MAGEC3: variants seen among roughly 807,000 people sequenced by gnomAD.
MAGEC3 encodes melanoma-associated antigen C3.
In MAGEC3, 34 loss-of-function variants were observed where a neutral mutation model predicts 35.3. The observed-to-expected ratio is 0.96, with a 90% confidence interval of 0.73 to 1.28. The LOEUF (loss-of-function observed/expected upper bound fraction) is 1.28. Among genes scored for constraint, MAGEC3 ranks in the 50% most tolerant of loss-of-function variants. MAGEC3 has a pLI of 0.00. For missense variants in MAGEC3, 561 were observed against 483.6 expected (o/e 1.16, Z -1.50); for synonymous variants, 202 against 185.6 (o/e 1.09, Z -0.72).
At chrX:141,876,125 G>T (rs761614821) in intron 2 of MAGEC3, among the ~76,000 whole-genome samples, 2 of 112,280 alleles carry the variant, frequency 1.8e-5, no homozygotes, top group African/African-American at 6.5e-5. Context: ...TCTATGTGGA[G>T]AGGAAAATAA....
In MAGEC3 at chrX:141,878,532, T is replaced by A. The variant is rs180733741; in HGVS notation, c.259-643T>A. On this transcript the variant is annotated intron_variant, in intron 2 of 7. Transcript: ENST00000298296. ...GTCAGCCCTGGGAGGCCCTGGGGCA[T>A]GGTGGCCCACTGTGGTGTCCCCCTG... Among the ~76,000 whole-genome samples the A allele has an allele frequency of 3.3e-3, 366 of 110,535 alleles. 1 individual carries two copies. The highest frequency in any genetic ancestry group is 0.012 in the African/African-American group (352 of 30,374).
chrX:141,845,370 A>G (rs192867786), intron 1 of MAGEC3, among the ~76,000 whole-genome samples: 4 of 111,499 alleles, frequency 3.6e-5, no homozygotes, highest in Non-Finnish European at 7.6e-5. Context: ...AAAACTTTTC[A>G]TAAGGCTTTG....
chrX:141,872,153 C>T (rs1276829645), intron 2 of MAGEC3, among the ~76,000 whole-genome samples: 1 of 111,159 alleles, frequency 9.0e-6, no homozygotes, highest in South Asian at 3.8e-4. Flanking sequence ...ATTTGCCATT[C>T]CTCGTTATGA....
chrX:141,851,806 A>ATAT (rs1434585590), intron 1 of MAGEC3, among the ~76,000 whole-genome samples: 2 of 111,500 alleles, frequency 1.8e-5, no homozygotes, highest in African/African-American at 6.5e-5. Context: ...GTATGTCTAT[A>ATAT]CTTGTGTCAG....
chrX:141,839,480 A>T (rs2017673591), intron 1 of MAGEC3: 2 of 753,918 alleles, frequency 2.7e-6, no homozygotes, highest in Non-Finnish European at 3.1e-6. Context: ...ATATTTGATT[A>T]TATCTTGAGG....
intron 2 of MAGEC3, among the ~76,000 whole-genome samples, chrX:141,874,186 C>CTTAA (rs940559730): frequency 1.8e-5 from 2 of 111,816 alleles, no homozygotes; most frequent in East Asian, 5.7e-4. Context: ...AGGCACAGAC[C>CTTAA]TTAAACTCTT....
At chrX:141,895,217 G>T (rs2018078010) in intron 4 of MAGEC3, 52 bp from the exon 5 acceptor site, 1 of 1,153,593 alleles carries the variant, frequency 8.7e-7, no homozygotes, top group Non-Finnish European at 1.2e-6. Context: ...AGAGGTGGGG[G>T]GTGGTTTTTC....
chrX:141,858,071 T>C (rs2124094003), intron 1 of MAGEC3, among the ~76,000 whole-genome samples: 1 of 110,954 alleles, frequency 9.0e-6, no homozygotes, highest in African/African-American at 3.3e-5. Flanking sequence ...AGGTGATAGT[T>C]ACACTTTATA....
Position 141,879,426 on chromosome X carries a change from G to T in MAGEC3, c.510G>T (p.Ala170=). Residue 170 remains alanine (A), a synonymous_variant, in exon 3 of 8, where the codon GCG becomes GCT. Coordinates refer to ENST00000298296, the MANE Select transcript of MAGEC3 (RefSeq NM_138702.1). Reference sequence around the variant, plus strand: ...GAAAAAGGTTGTGGGGGGAGAAAGCGGGGAGGTGGGCAGGGAAATATGGAC... The same window carrying T: ...GAAAAAGGTTGTGGGGGGAGAAAGCTGGGAGGTGGGCAGGGAAATATGGAC... ...SPGKRLWGEK[A]GSLPESEPLF... 8.5e-7 allele frequency: 1 copy of T among 1,176,671 alleles called. No homozygotes were observed. Among genetic ancestry groups the T allele is most frequent in the Non-Finnish European group, 1.1e-6 (1 of 876,598 alleles).
At position 141,880,887 on chromosome X, in the gene MAGEC3, C is replaced by A. The variant is rs772973220; in HGVS notation, c.516-516C>A. On this transcript the variant is annotated intron_variant, in intron 3 of 7. Transcript: ENST00000298296. ...TGGGTGAGTTTCTCAGCTGAGGCCACTTGCAGTGTCCCTCTCTCCCTCAGG... is the reference window on the plus strand; with the variant it reads ...TGGGTGAGTTTCTCAGCTGAGGCCAATTGCAGTGTCCCTCTCTCCCTCAGG... The A allele has an allele frequency of 2.5e-5, 24 of 973,764 alleles. No individual in the cohort carries two copies. In the Admixed American group the frequency reaches 4.0e-4, roughly 16 times the overall value. The allele number at this position is 973,764 out of a possible 1,213,427, so 80.2% of individuals were successfully genotyped here. A position where few individuals can be genotyped will look rare whatever the true frequency, so the allele number is the denominator to read the frequency against.
At chrX:141,875,749 C>T (rs924663107) in intron 2 of MAGEC3, among the ~76,000 whole-genome samples, 2 of 111,947 alleles carry the variant, frequency 1.8e-5, no homozygotes, top group African/African-American at 6.5e-5. Flanking sequence ...AGAAGAACAA[C>T]TCCATGAAGA....
chrX:141,866,626 G>A (rs1226819778), intron 2 of MAGEC3, among the ~76,000 whole-genome samples: 5 of 112,063 alleles, frequency 4.5e-5, no homozygotes, highest in Non-Finnish European at 7.5e-5. Context: ...AATGCACAAC[G>A]AAACATGTAA....
At chrX:141,839,110 G>A (rs1257323077) in intron 1 of MAGEC3, among the ~76,000 whole-genome samples, 1 of 111,123 alleles carries the variant, frequency 9.0e-6, no homozygotes, top group African/African-American at 3.3e-5. Context: ...GTAAACTACT[G>A]AGGCTCTCTC....
intron 3 of MAGEC3, among the ~76,000 whole-genome samples, chrX:141,881,193 C>A (rs1255175053): frequency 9.0e-6 from 1 of 110,581 alleles, no homozygotes. Flanking sequence ...CCTCCTCCTC[C>A]TCCTCATCCT....
intron 1 of MAGEC3, among the ~76,000 whole-genome samples, chrX:141,849,717 A>G (rs1277705444): frequency 9.0e-6 from 1 of 111,415 alleles, no homozygotes; most frequent in Non-Finnish European, 1.9e-5. Context: ...CAGAATGGCT[A>G]CTATTAAAAG....
Position 141,879,267 on chromosome X carries a change from A to G in MAGEC3, c.351A>G (p.Ala117=), listed in dbSNP as rs1390138393. ...AGGGGAAGTTTTCTCTGAGGAGGGC[A>G]GTTTCAGTTAAGCAGAGGGAGGAAC... ...QPEGKFSLRR[A]VSVKQREEPQ... The change falls in exon 3 of 8, where the codon GCA becomes GCG. Residue 117 remains alanine (A), a synonymous_variant. Coordinates refer to ENST00000298296, the MANE Select transcript of MAGEC3 (RefSeq NM_138702.1). 8.3e-7 allele frequency: 1 copy of G among 1,206,547 alleles called. No homozygotes were observed.
chrX:141,851,322 A>G (rs977191685), intron 1 of MAGEC3, among the ~76,000 whole-genome samples: 2 of 108,125 alleles, frequency 1.8e-5, no homozygotes, highest in African/African-American at 6.7e-5. Context: ...TATGTGCTAC[A>G]CTCCTTGTTT....
intron 4 of MAGEC3, among the ~76,000 whole-genome samples, chrX:141,893,220 A>G (rs976500245): frequency 2.7e-5 from 3 of 112,148 alleles, no homozygotes; most frequent in Non-Finnish European, 5.6e-5. Flanking sequence ...GTTGAGCAAC[A>G]GGAGCTTTCA....
chrX:141,843,530 C>T (rs192381811), intron 1 of MAGEC3, among the ~76,000 whole-genome samples: 7 of 111,385 alleles, frequency 6.3e-5, no homozygotes, highest in South Asian at 7.4e-4. Flanking sequence ...CTAAAGAATA[C>T]GTGTGAGGGA....
Sources: allele counts gnomAD v4.1 joint callset (sites outside exome capture counted in the v4.1 genomes callset), GRCh38; gene constraint gnomAD v4.1.1; transcripts MANE v1.5; gene names NCBI Gene and HGNC (gene_info 2026-07-23, HGNC 2026-07-21).